MAPRE2: variants seen among roughly 807,000 people sequenced by gnomAD.
MAPRE2 encodes the protein microtubule associated protein RP/EB family member 2.
A neutral mutation model predicts 43.2 loss-of-function variants in MAPRE2; 13 were observed. That is an observed-to-expected ratio of 0.30 (90% CI 0.20 to 0.48). The LOEUF (loss-of-function observed/expected upper bound fraction) is 0.48. Among genes scored for constraint, MAPRE2 ranks in the 20% least tolerant of loss-of-function variants. The pLI is 0.99. For synonymous variants in MAPRE2, 135 were observed against 148.8 expected (o/e 0.91, Z 0.68); for missense variants, 161 against 400.2 (o/e 0.40, Z 5.10).
intron 4 of MAPRE2, among the ~76,000 whole-genome samples, chr18:35,119,102 G>A (rs1475120161): frequency 1.3e-5 from 2 of 152,196 alleles, no homozygotes; most frequent in African/African-American, 4.8e-5. Flanking sequence ...CCCCACACAG[G>A]AGGTTCTCGC....
chr18:35,001,385 A>G (rs997252625), intron 1 of MAPRE2, among the ~76,000 whole-genome samples: 1 of 152,138 alleles, frequency 6.6e-6, no homozygotes, highest in Non-Finnish European at 1.5e-5. Context: ...GTGGTGGCAC[A>G]TGCCTGTAAT....
At chr18:35,100,103 TCACA>T (rs998718638) in intron 3 of MAPRE2, among the ~76,000 whole-genome samples, 17 of 152,232 alleles carry the variant, frequency 1.1e-4, no homozygotes, top group African/African-American at 2.2e-4. Flanking sequence ...GCTTACACAC[TCACA>T]CACATTCACA....
chr18:35,134,203 CAG>C (rs1376745151), intron 6 of MAPRE2, among the ~76,000 whole-genome samples: 1 of 152,180 alleles, frequency 6.6e-6, no homozygotes, highest in African/African-American at 2.4e-5. Context: ...ACTAAGGCAG[CAG>C]AGAGGTTGAA....
chr18:35,044,974 T>C (rs1905547337), intron 1 of MAPRE2, among the ~76,000 whole-genome samples: 1 of 152,220 alleles, frequency 6.6e-6, no homozygotes, highest in South Asian at 2.1e-4. Flanking sequence ...GAAACTAGCT[T>C]GCACCTTGAT....
chr18:35,014,445 T>C (rs563598782), intron 2 of MAPRE2, among the ~76,000 whole-genome samples: 2 of 151,580 alleles, frequency 1.3e-5, no homozygotes, highest in African/African-American at 4.8e-5. Flanking sequence ...CATATATACC[T>C]GGCAGATAAA....
intron 6 of MAPRE2, among the ~76,000 whole-genome samples, chr18:35,137,425 C>T (rs1000873547): frequency 2.0e-5 from 3 of 152,210 alleles, no homozygotes; most frequent in Non-Finnish European, 4.4e-5. Flanking sequence ...ATTACAGGCT[C>T]AATGATTACT....
At chr18:35,124,004 G>A (rs1230170191) in intron 4 of MAPRE2, among the ~76,000 whole-genome samples, 1 of 152,182 alleles carries the variant, frequency 6.6e-6, no homozygotes, top group African/African-American at 2.4e-5. Context: ...TGGCAGGGTG[G>A]TAGACCTACT....
In MAPRE2 at chr18:35,064,430, G is replaced by A. The variant is rs77862281; in HGVS notation, c.123-5765G>A. ...CCCCTCCCCTGAAGTATGGCTGATAGTGTGTTTGCAAGGGGTGGGGCAGGG... is the reference window on the plus strand; with the variant it reads ...CCCCTCCCCTGAAGTATGGCTGATAATGTGTTTGCAAGGGGTGGGGCAGGG... On this transcript the variant is annotated intron_variant, in intron 1 of 6. Transcript: ENST00000300249. 2.4e-4 allele frequency among the ~76,000 whole-genome samples: 36 copies of A among 152,236 alleles called. No homozygotes were observed. In the East Asian group the frequency reaches 6.9e-3, roughly 29 times the overall value.
intron 5 of MAPRE2, chr18:35,127,528 T>C (rs1909960085): frequency 6.4e-6 from 1 of 156,928 alleles, no homozygotes; most frequent in African/African-American, 2.4e-5. Context: ...CTTCCTTTCT[T>C]TCTTCAGCTA....
chr18:34,985,138 TACAA>T (rs1420488716), intron 1 of MAPRE2, among the ~76,000 whole-genome samples: 2 of 79,876 alleles, frequency 2.5e-5, no homozygotes, highest in African/African-American at 5.4e-5. Context: ...TATAAATATA[TACAA>T]ATATATTTTA....
chr18:35,077,340 A>G (rs1307156661), intron 2 of MAPRE2, among the ~76,000 whole-genome samples: 2 of 152,120 alleles, frequency 1.3e-5, no homozygotes, highest in Admixed American at 1.3e-4. Context: ...TTTTTTCCCC[A>G]TATGTGAGAA....
At chr18:35,120,036 T>C (rs1044803346) in intron 4 of MAPRE2, among the ~76,000 whole-genome samples, 1 of 152,178 alleles carries the variant, frequency 6.6e-6, no homozygotes, top group East Asian at 1.9e-4. Flanking sequence ...CTCTGAGAAG[T>C]TGGTGCTGCT....
chr18:35,047,752 A>G (rs931123990), intron 1 of MAPRE2, among the ~76,000 whole-genome samples: 4 of 151,756 alleles, frequency 2.6e-5, no homozygotes, highest in East Asian at 1.9e-4. Context: ...TTCAGTGTCA[A>G]ATCTCCCCAA....
rs191426312 is a variant in MAPRE2 at position 34,977,682 on chromosome 18, C to G, written c.-70+603C>G. 3.6e-3 allele frequency among the ~76,000 whole-genome samples: 543 copies of G among 152,082 alleles called. 6 individuals carry two copies. Among genetic ancestry groups the G allele is most frequent in the African/African-American group, 0.012 (509 of 41,364 alleles). On this transcript the variant is annotated intron_variant, in intron 1 of 7. Transcript: ENST00000413393. ...CGACGCCGGCCACCATCCGCGCTCCCGGGACTCAGGAGCCGGGTGGGTGCA... is the reference window on the plus strand; with the variant it reads ...CGACGCCGGCCACCATCCGCGCTCCGGGGACTCAGGAGCCGGGTGGGTGCA...
At chr18:35,127,167 G>C in intron 5 of MAPRE2, 80 bp downstream of exon 5, 1 of 1,425,960 alleles carries the variant, frequency 7.0e-7, no homozygotes, top group Non-Finnish European at 9.8e-7. Context: ...CCTAGGACTG[G>C]GGTAAGGGAG....
intron 2 of MAPRE2, among the ~76,000 whole-genome samples, chr18:35,094,898 C>T (rs569959862): frequency 6.6e-6 from 1 of 152,272 alleles, no homozygotes; most frequent in East Asian, 1.9e-4. Context: ...AGGATTCAAA[C>T]ACAGAGCCTA....
At chr18:34,978,832 G>A (rs1396630691) in intron 1 of MAPRE2, among the ~76,000 whole-genome samples, 2 of 152,160 alleles carry the variant, frequency 1.3e-5, no homozygotes, top group African/African-American at 4.8e-5. Flanking sequence ...CTCAAATTTT[G>A]CTGCATAGTG....
rs1383065754 is a variant in MAPRE2, at chr18:35,071,450, A to C, written c.250+1128A>C. On this transcript the variant is annotated intron_variant, in intron 2 of 6. Transcript: ENST00000300249. ...ATTCTTAGGTCTGAGTATTTATGAA[A>C]GAAATAAGCAGTCCTCCTTTGGAAA... is the stretch of plus-strand genomic sequence containing the variant. 2.0e-5 allele frequency among the ~76,000 whole-genome samples: 3 copies of C among 152,260 alleles called. No individual in the cohort carries two copies. The East Asian group carries it at 5.8e-4, about 29-fold the overall frequency.
chr18:35,047,252 A>G (rs1460245604), intron 1 of MAPRE2, among the ~76,000 whole-genome samples: 1 of 152,192 alleles, frequency 6.6e-6, no homozygotes, highest in Non-Finnish European at 1.5e-5. Flanking sequence ...TTAAGTTAGA[A>G]TATATATCTA....
Sources: allele counts gnomAD v4.1 joint callset (sites outside exome capture counted in the v4.1 genomes callset), GRCh38; gene constraint gnomAD v4.1.1; transcripts MANE v1.5; gene names NCBI Gene and HGNC (gene_info 2026-07-23, HGNC 2026-07-21).